Variants in EYA3 observed in about 807,000 individuals in gnomAD.
The protein encoded by EYA3 is EYA transcriptional coactivator and phosphatase 3, also known as protein phosphatase EYA3.
Under a neutral mutation model 80.0 loss-of-function variants are expected in EYA3, and 39 were observed. That is an observed-to-expected ratio of 0.49 (90% CI 0.38 to 0.64). The LOEUF is 0.64. EYA3 is among the 30% of genes least tolerant of loss of function. The pLI, the probability that EYA3 is intolerant of heterozygous loss-of-function variation, is 0.00. For synonymous variants in EYA3, 206 were observed against 232.8 expected (o/e 0.88, Z 1.05); for missense variants, 523 against 676.1 (o/e 0.77, Z 2.51).
chr1:28,083,947 T>C (rs1571987143), intron 1 of EYA3, among the ~76,000 whole-genome samples: 1 of 152,188 alleles, frequency 6.6e-6, no homozygotes, highest in African/African-American at 2.4e-5. Context: ...ACAAAGAGTA[T>C]TGCTAATTAT....
chr1:28,017,872 A>G (rs961520298), intron 7 of EYA3, among the ~76,000 whole-genome samples: 1 of 152,112 alleles, frequency 6.6e-6, no homozygotes, highest in South Asian at 2.1e-4. Flanking sequence ...GTCAGATAAA[A>G]ATGTACCTTA....
chr1:28,040,316 C>A (rs1408219216), intron 4 of EYA3, among the ~76,000 whole-genome samples: 1 of 151,956 alleles, frequency 6.6e-6, no homozygotes, highest in African/African-American at 2.4e-5. Context: ...CTAAGATGGG[C>A]AAGTTTGGGA....
chr1:27,978,450 A>G lies in EYA3; in HGVS notation c.1565T>C (p.Ile522Thr). ...KIGKESCFER[I>T]VSRFGKKVTY... ...GACTTTCTTTCCAAACCTTGACACAATTCTCTCAAAGCAGCTCTCCTTACC... is the reference window on the plus strand; with the variant it reads ...GACTTTCTTTCCAAACCTTGACACAGTTCTCTCAAAGCAGCTCTCCTTACC... The change falls in exon 17 of 18, where the codon ATT becomes ACT. Residue 522 changes from isoleucine to threonine, a missense_variant. Physicochemically the swap from Ile to Thr is moderately conservative, Grantham distance 89 (BLOSUM62 -1). Around this residue, in one of 2 missense-constraint regions of EYA3, gnomAD observed 219 missense variants for 332.8 expected, o/e 0.66. Coordinates refer to ENST00000373871, the MANE Select transcript of EYA3 (RefSeq NM_001990.4). The G allele has an allele frequency of 6.2e-7, 1 of 1,614,012 alleles. No homozygotes were observed. Among genetic ancestry groups the G allele is most frequent in the Non-Finnish European group, 8.5e-7 (1 of 1,179,948 alleles).
At chr1:28,068,360 TA>T (rs760579421) in intron 1 of EYA3, among the ~76,000 whole-genome samples, 134 of 151,664 alleles carry the variant, frequency 8.8e-4, no homozygotes, top group Middle Eastern at 3.2e-3. Context: ...ATTACATTCC[TA>T]ATATTATTAC....
At chr1:28,068,901 G>A (rs983110975) in intron 1 of EYA3, among the ~76,000 whole-genome samples, 2 of 152,016 alleles carry the variant, frequency 1.3e-5, no homozygotes, top group Admixed American at 1.3e-4. Flanking sequence ...CCGCCTCCTG[G>A]GTTCAAGCGA....
chr1:28,034,326 C>A (rs2148842984), intron 6 of EYA3, among the ~76,000 whole-genome samples: 1 of 151,968 alleles, frequency 6.6e-6, no homozygotes, highest in African/African-American at 2.4e-5. Flanking sequence ...TAATTGCTAG[C>A]CTATTATTAG....
chr1:28,053,749 T>C (rs1314798006), intron 2 of EYA3, among the ~76,000 whole-genome samples: 1 of 152,182 alleles, frequency 6.6e-6, no homozygotes, highest in African/African-American at 2.4e-5. Context: ...CAAAGCGCTA[T>C]GTAATTGTTA....
chr1:28,071,278 A>C (rs1645013564), intron 1 of EYA3, among the ~76,000 whole-genome samples: 1 of 152,174 alleles, frequency 6.6e-6, no homozygotes, highest in Non-Finnish European at 1.5e-5. Flanking sequence ...GCTAGAGTTA[A>C]ACCTGAAATA....
In EYA3 at chr1:27,989,742, G is replaced by C. The variant is rs757473934; in HGVS notation, c.1373C>G (p.Ser458Cys). The stretch of plus-strand genomic sequence containing the variant: ...GGACTTTAATGCAGTTCCTAACCAG[G>C]AATCTGTTAAAACTTCAATTTCTGC... ...LRAEIEVLTD[S>C]WLGTALKSLL... The change falls in exon 15 of 18, where the codon TCC (serine) becomes TGC (cysteine). Residue 458 changes from serine to cysteine, a missense_variant. Coordinates refer to ENST00000373871, the MANE Select transcript of EYA3 (RefSeq NM_001990.4). The C allele has an allele frequency of 1.6e-5, 25 of 1,612,056 alleles. No homozygotes were observed. The highest frequency in any genetic ancestry group is 2.0e-5 in the Non-Finnish European group (23 of 1,179,016).
At chr1:28,018,022 C>T (rs1642188109) in intron 7 of EYA3, among the ~76,000 whole-genome samples, 1 of 151,804 alleles carries the variant, frequency 6.6e-6, no homozygotes, top group African/African-American at 2.4e-5. Context: ...TGGTGAAACC[C>T]CATCTCTACT....
chr1:27,993,633 G>T, intron 13 of EYA3, 73 bp from the exon 14 acceptor site: 1 of 1,343,750 alleles, frequency 7.4e-7, no homozygotes, highest in Non-Finnish European at 9.8e-7. Flanking sequence ...TATTTGGTTG[G>T]GTTCTTGGTA....
intron 10 of EYA3, among the ~76,000 whole-genome samples, chr1:28,004,702 T>C (rs906970692): frequency 2.0e-5 from 3 of 151,842 alleles, no homozygotes; most frequent in African/African-American, 7.3e-5. Flanking sequence ...ACATTTTACA[T>C]ATATATATGT....
chr1:28,006,207 G>A (rs1416181823), intron 10 of EYA3, among the ~76,000 whole-genome samples: 2 of 151,834 alleles, frequency 1.3e-5, no homozygotes, highest in African/African-American at 4.8e-5. Context: ...AATTAGGAGT[G>A]CAAAAGGCTT....
At chr1:28,011,758 G>C (rs1480573897) in intron 9 of EYA3, among the ~76,000 whole-genome samples, 1 of 152,118 alleles carries the variant, frequency 6.6e-6, no homozygotes, top group Non-Finnish European at 1.5e-5. Flanking sequence ...GGTTAAAATA[G>C]AGATGAAACA....
intron 1 of EYA3, among the ~76,000 whole-genome samples, chr1:28,085,149 T>A (rs910316222): frequency 4.6e-5 from 7 of 152,146 alleles, no homozygotes; most frequent in African/African-American, 1.7e-4. Flanking sequence ...GTTTCTTAAA[T>A]TTTCAAAACT....
intron 3 of EYA3, among the ~76,000 whole-genome samples, chr1:28,043,896 G>C (rs543272108): frequency 6.6e-6 from 1 of 152,046 alleles, no homozygotes; most frequent in South Asian, 2.1e-4. Context: ...TTCCAAGCGG[G>C]GGTTCTAAAC....
chr1:28,017,321 G>C (rs1436536466), intron 7 of EYA3, 82 bp from the exon 8 acceptor site: 1 of 1,043,374 alleles, frequency 9.6e-7, no homozygotes, highest in East Asian at 2.5e-5. Flanking sequence ...TGTTTTAAGT[G>C]AACAGATTTA....
chr1:28,011,540 C>G (rs962547345), intron 9 of EYA3, among the ~76,000 whole-genome samples: 1 of 152,078 alleles, frequency 6.6e-6, no homozygotes, highest in African/African-American at 2.4e-5. Context: ...GTGTAACAAC[C>G]AAAAATGTTT....
At chr1:28,043,804 C>A (rs1643903055) in intron 3 of EYA3, among the ~76,000 whole-genome samples, 1 of 152,194 alleles carries the variant, frequency 6.6e-6, no homozygotes, top group African/African-American at 2.4e-5. Context: ...CACTACTGCA[C>A]TCCTGCCTAG....
Sources: gnomAD v4.1 joint callset for allele counts (sites outside exome capture counted in the v4.1 genomes callset) on GRCh38, gnomAD v4.1.1 for gene constraint, gnomAD v4.1.1 regional missense constraint, MANE v1.5 for transcripts, NCBI Gene and HGNC (gene_info 2026-07-23, HGNC 2026-07-21) for gene names.